FAM151A: variants seen among roughly 807,000 people sequenced by gnomAD.
The protein encoded by FAM151A is protein FAM151A.
A neutral mutation model predicts 40.4 loss-of-function variants in FAM151A; 41 were observed. The ratio of observed to expected loss-of-function variants is 1.01; its 90% CI spans 0.79 to 1.32. The LOEUF (loss-of-function observed/expected upper bound fraction) is 1.32. Ranked by LOEUF, FAM151A falls within the 40% of genes most tolerant of loss-of-function variation. The probability of loss-of-function intolerance (pLI) is 0.00; values close to 1 mark genes in which losing one functional copy is unlikely to be tolerated. For synonymous variants in FAM151A, 337 were observed against 312.5 expected (o/e 1.08, Z -0.83); for missense variants, 740 against 740.4 (o/e 1.00, Z 0.01).
Position 54,614,713 on chromosome 1 carries a change from C to T in FAM151A, c.562G>A (p.Val188Ile). 6.2e-7 allele frequency: 1 copy of T among 1,613,372 alleles called. No homozygotes were observed. The highest frequency in any genetic ancestry group is 8.5e-7 in the Non-Finnish European group (1 of 1,179,620). The change falls in exon 4 of 8, where the codon GTC becomes ATC. Residue 188 changes from valine to isoleucine, a missense_variant. Transcript: ENST00000302250. ...GCGAACACTCACTGTGTGGCATTGA[C>T]CTCAGTTGAGATGAGCATGTTGGGG... ...KGPNMLISTEVNATQFLALVQ... is the reference protein window; with the variant it reads ...KGPNMLISTEINATQFLALVQ...
rs1225877130 is a variant in FAM151A, at chr1:54,620,013, AGG to A, written c.119-8_119-7del. The A allele has an allele frequency of 4.4e-6, 7 of 1,578,382 alleles. No homozygotes were observed. The South Asian group carries it at 6.6e-5, about 15-fold the overall frequency. On this transcript the variant is annotated splice_region_variant and splice_polypyrimidine_tract_variant and intron_variant, in intron 1 of 7. Transcript: ENST00000302250. ...GCAGGCCTCCAGCTCACAGCCTGGAAGGAATCCCAAGGGGCTGTTAGCGTCTG... is the reference window on the plus strand; with the variant it reads ...GCAGGCCTCCAGCTCACAGCCTGGAAAATCCCAAGGGGCTGTTAGCGTCTG...
intron 2 of FAM151A, among the ~76,000 whole-genome samples, chr1:54,618,301 C>G (rs1191687550): frequency 6.6e-6 from 1 of 152,036 alleles, no homozygotes; most frequent in Admixed American, 6.6e-5. Context: ...TTTAGGAGTT[C>G]GAGACTAGCC....
intron 2 of FAM151A, among the ~76,000 whole-genome samples, chr1:54,619,096 G>A (rs970287284): frequency 3.3e-5 from 5 of 152,230 alleles, no homozygotes; most frequent in Non-Finnish European, 7.3e-5. Flanking sequence ...TGCTTGAGCA[G>A]TGATTCTCAA....
At chr1:54,612,861 CA>C in intron 4 of FAM151A, 151 bp from the exon 5 acceptor site, 1 of 633,080 alleles carries the variant, frequency 1.6e-6, no homozygotes, top group East Asian at 2.8e-5. Flanking sequence ...TGGCTTGTTT[CA>C]GGTCCCATAA....
Position 54,619,982 on chromosome 1 carries a change from A to G in FAM151A, c.144T>C (p.Pro48=), listed in dbSNP as rs780087244. The change falls in exon 2 of 8, where the codon CCT becomes CCC. Residue 48 remains proline (P), a synonymous_variant. Coordinates refer to ENST00000302250, the MANE Select transcript of FAM151A (RefSeq NM_176782.3). Reference sequence around the variant, plus strand: ...GCAGGTAGTCCAGCATGTCGGCATCAGGGCTGCAGGCCTCCAGCTCACAGC... The same window carrying G: ...GCAGGTAGTCCAGCATGTCGGCATCGGGGCTGCAGGCCTCCAGCTCACAGC... ...RPGCELEACS[P]DADMLDYLLS... is the part of the protein sequence containing the mutation. 7.4e-6 allele frequency: 12 copies of G among 1,613,886 alleles called. No homozygotes were observed. In the East Asian group the frequency reaches 1.3e-4, roughly 18 times the overall value.
chr1:54,615,893 T>G, intron 3 of FAM151A, 127 bp downstream of exon 3: 13 of 956,452 alleles, frequency 1.4e-5, no homozygotes, highest in Non-Finnish European at 2.1e-5. Context: ...AACATTGTGA[T>G]GAGAAAGCCA....
Position 54,611,626 on chromosome 1 carries a change from G to T in FAM151A, c.920C>A (p.Ser307Ter). ...VYYDIFEPLL[S>*]QFKQLALNAT... ...CTTACAGGCCAGCTGCTTGAACTGT[G>T]ACAGGAGAGGCTCAAAGATGTCATA... Residue 307 changes from serine (S) to a stop codon, truncating the protein, a stop_gained, in exon 6 of 8, where the codon TCA (serine) becomes TAA (stop). Coordinates refer to ENST00000302250, the MANE Select transcript of FAM151A (RefSeq NM_176782.3). LOFTEE classifies it high-confidence loss of function. 6.2e-7 allele frequency: 1 copy of T among 1,613,982 alleles called. No homozygotes were observed. The highest frequency in any genetic ancestry group is 1.1e-5 in the South Asian group (1 of 91,044).
At chr1:54,613,035 A>G (rs1178575305) in intron 4 of FAM151A, among the ~76,000 whole-genome samples, 1 of 151,894 alleles carries the variant, frequency 6.6e-6, no homozygotes, top group African/African-American at 2.4e-5. Context: ...GCGTGTGGGA[A>G]TCTGAGCTCT....
chr1:54,623,051 C>T (rs1490491936), intron 1 of FAM151A, among the ~76,000 whole-genome samples: 1 of 151,978 alleles, frequency 6.6e-6, no homozygotes, highest in African/African-American at 2.4e-5. Flanking sequence ...TGGCGGGTGC[C>T]TGTAATCCCA....
chr1:54,614,962 G>GAGTGCA (rs377035598), intron 3 of FAM151A, 103 bp from the exon 4 acceptor site: 22 of 1,164,974 alleles, frequency 1.9e-5, no homozygotes, highest in South Asian at 3.0e-5. Flanking sequence ...GTGCATGTGC[G>GAGTGCA]TGCACAGTGG....
chr1:54,614,986 C>T (rs558260195), intron 3 of FAM151A, 127 bp from the exon 4 acceptor site: 78 of 914,898 alleles, frequency 8.5e-5, no homozygotes, highest in South Asian at 2.7e-4. Context: ...CAGGGGAGGG[C>T]GGAAGGACCA....
chr1:54,614,620 G>A lies in FAM151A; in HGVS notation c.575+80C>T, dbSNP rs1644151966. On this transcript the variant is annotated intron_variant, in intron 4 of 7. Coordinates refer to ENST00000302250, the MANE Select transcript of FAM151A (RefSeq NM_176782.3). ...AGTATGATTGGAGACAAACTCAGAGGTCCCCTAAGATCCCCATCCTGTGGT... is the reference window on the plus strand; with the variant it reads ...AGTATGATTGGAGACAAACTCAGAGATCCCCTAAGATCCCCATCCTGTGGT... The A allele has an allele frequency of 7.1e-5, 101 of 1,423,584 alleles. 1 individual carries two copies. In the South Asian group the frequency reaches 1.3e-3, roughly 19 times the overall value. 88.2% of individuals were successfully genotyped at this position (1,423,584 alleles called of 1,614,324 possible).
At chr1:54,621,523 G>A (rs1490419679) in intron 1 of FAM151A, 1 of 152,194 alleles carries the variant, frequency 6.6e-6, no homozygotes, top group African/African-American at 2.4e-5. Flanking sequence ...TTGGGATCAG[G>A]TTGTGAATGG....
intron 2 of FAM151A, among the ~76,000 whole-genome samples, chr1:54,619,118 G>A (rs1186095500): frequency 6.6e-6 from 1 of 152,174 alleles, no homozygotes; most frequent in Non-Finnish European, 1.5e-5. Context: ...GTTGGTCCTG[G>A]GGCCAGCAGC....
chr1:54,620,182 G>C (rs950880129), intron 1 of FAM151A, among the ~76,000 whole-genome samples, 175 bp from the exon 2 acceptor site: 1 of 152,176 alleles, frequency 6.6e-6, no homozygotes, highest in Non-Finnish European at 1.5e-5. Context: ...ATGGGCTCCT[G>C]GGGCCCAAGG....
rs769929111 is a variant in FAM151A, at chr1:54,609,768, CTGCGGGCTCCGCTATT to C, written c.1242_1257del (p.Ile415ProfsTer55). 7 of 1,614,070 alleles carry C rather than the reference CTGCGGGCTCCGCTATT, an allele frequency of 4.3e-6. No homozygotes were observed. The highest frequency in any genetic ancestry group is 1.7e-6 in the Non-Finnish European group (2 of 1,180,032). On this transcript the variant is annotated frameshift_variant, in exon 8 of 8. Transcript: ENST00000302250. LOFTEE classifies it low-confidence loss of function (END_TRUNC). ...AGCAAGGCCAGGGATGGCCGGAGGG[CTGCGGGCTCCGCTATT>C]TGCAAATGGATGCCCCAGTGTCCGG... is the stretch of plus-strand genomic sequence containing the variant.
chr1:54,617,709 A>ATTT (rs56229276), intron 2 of FAM151A, among the ~76,000 whole-genome samples: 3,602 of 55,744 alleles, frequency 0.065, 860 homozygotes, highest in Non-Finnish European at 0.09. Flanking sequence ...AGGGCCTGAG[A>ATTT]TTTTTTTTTT....
Position 54,610,429 on chromosome 1 carries a change from G to C in FAM151A, c.1067C>G (p.Ala356Gly). 1 of 1,613,514 alleles carries C rather than the reference G, an allele frequency of 6.2e-7. No individual in the cohort carries two copies. Among genetic ancestry groups the C allele is most frequent in the Non-Finnish European group, 8.5e-7 (1 of 1,179,632 alleles). The change falls in exon 7 of 8, where the codon GCA (alanine) becomes GGA (glycine). Residue 356 changes from alanine to glycine, a missense_variant. Coordinates refer to ENST00000302250, the MANE Select transcript of FAM151A (RefSeq NM_176782.3). ...GACCTTACCTGGGAGGGTCATTGTT[G>C]CTGTTTTACCGCTGCCCTGGACGTC... ...VPDVQGSGKT[A>G]TMTLPDTEGM...
chr1:54,611,616 C>T lies in FAM151A; in HGVS notation c.930G>A (p.Lys310=). 1 of 1,613,994 alleles carries T rather than the reference C, an allele frequency of 6.2e-7. No individual in the cohort carries two copies. The highest frequency in any genetic ancestry group is 8.5e-7 in the Non-Finnish European group (1 of 1,179,954). The change falls in exon 6 of 8, where the codon AAG becomes AAA. Residue 310 remains lysine, a synonymous_variant. Transcript: ENST00000302250. ...DIFEPLLSQF[K]QLALNATRKP... ...AATTCCTCTCCTTACAGGCCAGCTGCTTGAACTGTGACAGGAGAGGCTCAA... is the reference window on the plus strand; with the variant it reads ...AATTCCTCTCCTTACAGGCCAGCTGTTTGAACTGTGACAGGAGAGGCTCAA...
Sources: allele counts gnomAD v4.1 joint callset (sites outside exome capture counted in the v4.1 genomes callset), GRCh38; gene constraint gnomAD v4.1.1; transcripts MANE v1.5; gene names NCBI Gene and HGNC (gene_info 2026-07-23, HGNC 2026-07-21).